RBFOX1: variants seen among roughly 807,000 people sequenced by gnomAD.
RBFOX1 encodes the protein RNA binding protein fox-1 homolog 1.
In RBFOX1, 8 loss-of-function variants were observed where a neutral mutation model predicts 57.7. The ratio of observed to expected loss-of-function variants is 0.14; its 90% CI spans 0.08 to 0.25. The LOEUF (loss-of-function observed/expected upper bound fraction) is 0.25, where lower values mean the gene tolerates loss of function less well. Among genes scored for constraint, RBFOX1 ranks in the 10% least tolerant of loss-of-function variants. The pLI is 1.00. For missense variants in RBFOX1, 611 were observed against 548.5 expected (o/e 1.11, Z -1.14); for synonymous variants, 326 against 222.4 (o/e 1.47, Z -4.15).
intron 1 of RBFOX1, among the ~76,000 whole-genome samples, chr16:5,373,397 G>T (rs1357940400): frequency 6.6e-6 from 1 of 152,092 alleles, no homozygotes; most frequent in African/African-American, 2.4e-5. Flanking sequence ...TTTCCCCCTT[G>T]CTCTTCTTGT....
chr16:7,304,150 G>C (rs950050137), intron 4 of RBFOX1: 2 of 949,944 alleles, frequency 2.1e-6, no homozygotes, highest in African/African-American at 1.8e-5. Flanking sequence ...CCAGGGAGGA[G>C]GGACCGGCGG....
At chr16:6,197,071 A>T (rs1435428544) in intron 1 of RBFOX1, among the ~76,000 whole-genome samples, 1 of 152,168 alleles carries the variant, frequency 6.6e-6, no homozygotes, top group Non-Finnish European at 1.5e-5. Context: ...AAAAATGTCC[A>T]CCTAGCCAGT....
intron 3 of RBFOX1, among the ~76,000 whole-genome samples, chr16:6,896,868 G>A (rs12598298): frequency 0.22 from 33,092 of 152,124 alleles, 4,413 homozygotes; most frequent in Admixed American, 0.36. Flanking sequence ...TGGAAGAGTG[G>A]TGAGAAATGA....
chr16:6,830,523 C>G, intron 3 of RBFOX1, among the ~76,000 whole-genome samples: 1 of 152,062 alleles, frequency 6.6e-6, no homozygotes, highest in East Asian at 1.9e-4. Flanking sequence ...TTTTGTTCCC[C>G]CAGGGGACAG....
intron 1 of RBFOX1, among the ~76,000 whole-genome samples, chr16:6,267,490 T>C (rs2074661583): frequency 6.6e-6 from 1 of 152,194 alleles, no homozygotes; most frequent in Admixed American, 6.5e-5. Context: ...ATATATCCAG[T>C]TGCAATGGAA....
At chr16:5,824,516 T>G (rs2055968868) in intron 3 of RBFOX1, among the ~76,000 whole-genome samples, 1 of 152,218 alleles carries the variant, frequency 6.6e-6, no homozygotes, top group African/African-American at 2.4e-5. Context: ...GCAGGGTGAC[T>G]TTAGGCTGGT....
At chr16:5,311,801 C>T (rs770718283) in intron 1 of RBFOX1, among the ~76,000 whole-genome samples, 13 of 152,258 alleles carry the variant, frequency 8.5e-5, no homozygotes, top group Middle Eastern at 6.8e-3. Flanking sequence ...ATTACAGATG[C>T]GTTGGCCTCT....
intron 3 of RBFOX1, among the ~76,000 whole-genome samples, chr16:5,691,169 A>T (rs1353917920): frequency 6.6e-6 from 1 of 152,228 alleles, no homozygotes; most frequent in Non-Finnish European, 1.5e-5. Context: ...TGAGCTCCTC[A>T]ACATCTTTGT....
intron 4 of RBFOX1, among the ~76,000 whole-genome samples, chr16:7,080,754 C>G (rs1310523939): frequency 2.0e-5 from 3 of 152,202 alleles, no homozygotes; most frequent in African/African-American, 7.2e-5. Context: ...CTCTCCATCT[C>G]TCCTCTTGCA....
chr16:5,593,631 T>G (rs907457012), intron 2 of RBFOX1, among the ~76,000 whole-genome samples: 9 of 152,194 alleles, frequency 5.9e-5, no homozygotes, highest in African/African-American at 2.2e-4. Context: ...AGATTACAAA[T>G]GCCATGGCGA....
intron 2 of RBFOX1, among the ~76,000 whole-genome samples, chr16:6,554,624 C>T (rs1267429503): frequency 1.3e-5 from 2 of 152,078 alleles, no homozygotes; most frequent in African/African-American, 2.4e-5. Context: ...AAGGTATGGC[C>T]GAATGGGCTT....
At chr16:7,417,691 C>T (rs1257742323) in intron 4 of RBFOX1, among the ~76,000 whole-genome samples, 2 of 152,116 alleles carry the variant, frequency 1.3e-5, no homozygotes, top group African/African-American at 2.4e-5. Flanking sequence ...CTCCCTGCTC[C>T]ATATCTCAGG....
chr16:6,807,611 A>T (rs1050689302), intron 3 of RBFOX1, among the ~76,000 whole-genome samples: 1 of 152,040 alleles, frequency 6.6e-6, no homozygotes, highest in African/African-American at 2.4e-5. Flanking sequence ...AGGTCACGAG[A>T]TTGAGACCAG....
chr16:6,462,745 G>A (rs955425994), intron 2 of RBFOX1, among the ~76,000 whole-genome samples: 2 of 123,498 alleles, frequency 1.6e-5, no homozygotes, highest in African/African-American at 3.1e-5. Context: ...AAGTCTTCCC[G>A]ACGCTATAAA....
intron 2 of RBFOX1, among the ~76,000 whole-genome samples, chr16:6,587,982 C>G (rs2097653971): frequency 6.6e-6 from 1 of 152,162 alleles, no homozygotes; most frequent in Non-Finnish European, 1.5e-5. Flanking sequence ...GTAATCCCAG[C>G]ACTTTGGGAG....
intron 4 of RBFOX1, among the ~76,000 whole-genome samples, chr16:5,931,178 C>T (rs192984124): frequency 1.7e-4 from 26 of 152,162 alleles, no homozygotes; most frequent in African/African-American, 6.3e-4. Context: ...ACCTGGTTAC[C>T]CCTTGAGCTC....
chr16:7,376,135 T>C (rs2097681959), intron 4 of RBFOX1, among the ~76,000 whole-genome samples: 1 of 152,216 alleles, frequency 6.6e-6, no homozygotes, highest in Admixed American at 6.5e-5. Flanking sequence ...TACAAATATT[T>C]AGTAAGCAAG....
chr16:5,683,180 C>G (rs951248088), intron 3 of RBFOX1, among the ~76,000 whole-genome samples: 4 of 152,126 alleles, frequency 2.6e-5, no homozygotes, highest in African/African-American at 7.2e-5. Flanking sequence ...GCGCCAGATC[C>G]TTGGCCAAGT....
intron 3 of RBFOX1, among the ~76,000 whole-genome samples, chr16:7,009,281 TTC>T (rs920970839): frequency 7.5e-6 from 1 of 133,474 alleles, no homozygotes; most frequent in Non-Finnish European, 1.5e-5. Flanking sequence ...CTTCTCTCTT[TTC>T]TCTCTCACTC....
Sources: gnomAD v4.1 joint callset for allele counts (sites outside exome capture counted in the v4.1 genomes callset) on GRCh38, gnomAD v4.1.1 for gene constraint, MANE v1.5 for transcripts, NCBI Gene and HGNC (gene_info 2026-07-23, HGNC 2026-07-21) for gene names.